The following STXBP2 variants were observed in gnomAD, a reference collection of about 807,000 sequenced individuals.
The protein encoded by STXBP2 is syntaxin-binding protein 2.
A neutral mutation model predicts 72.2 loss-of-function variants in STXBP2; 47 were observed. The ratio of observed to expected loss-of-function variants is 0.65; its 90% CI spans 0.51 to 0.83. STXBP2 has a LOEUF of 0.83. Ranked by LOEUF, STXBP2 falls within the 40% of genes least tolerant of loss-of-function variation. The probability of loss-of-function intolerance (pLI) is 0.00; values close to 1 mark genes in which losing one functional copy is unlikely to be tolerated. For synonymous variants in STXBP2, 367 were observed against 338.7 expected, an observed-to-expected ratio of 1.08 and a Z score of -0.92; for missense variants, 702 against 807.6, an observed-to-expected ratio of 0.87 and a Z score of 1.58.
the STXBP2 span, chr19:7,630,908 G>T: frequency 4.6e-6 from 7 of 1,533,866 alleles, no homozygotes; most frequent in African/African-American, 2.7e-5. Flanking sequence ...ATCCGGGATG[G>T]GTTTTAGATG....
upstream of STXBP2, chr19:7,632,398 A>G: frequency 6.2e-7 from 1 of 1,613,408 alleles, no homozygotes; most frequent in Non-Finnish European, 8.5e-7. The surrounding 1 kb of genome is among the most constrained non-coding windows in gnomAD (Gnocchi z 5.2). Flanking sequence ...CCTACCTTGG[A>G]CCCCACGGGC....
intron 4 of STXBP2, chr19:7,640,447 T>C (rs760677941): frequency 1.5e-6 from 1 of 657,016 alleles, no homozygotes; most frequent in South Asian, 1.6e-5. Context: ...TGTGCATGTG[T>C]GTATGTATGT....
chr19:7,632,162 A>T, upstream of STXBP2: 1 of 675,528 alleles, frequency 1.5e-6, no homozygotes, highest in Non-Finnish European at 2.4e-6. This position sits in a 1 kb window ranked among gnomAD's most constrained non-coding sequence, Gnocchi z 5.2. Flanking sequence ...GAACCTTCAG[A>T]CTTGGGGGCA....
At chr19:7,633,064 T>C, upstream of STXBP2, 2 of 1,347,168 alleles carry the variant, frequency 1.5e-6, no homozygotes, top group South Asian at 1.5e-5. Flanking sequence ...CTTCACGTGG[T>C]ACCGCTTCAA....
chr19:7,633,435 G>T (rs779376158), upstream of STXBP2: 2 of 1,577,046 alleles, frequency 1.3e-6, no homozygotes, highest in African/African-American at 1.3e-5. Context: ...GCCTTCCTCC[G>T]TCTTCTCCTC....
At chr19:7,639,859 C>T in intron 4 of STXBP2, 52 bp downstream of exon 4, 1 of 1,576,928 alleles carries the variant, frequency 6.3e-7, no homozygotes, top group Non-Finnish European at 8.7e-7. Context: ...TGTACATGTG[C>T]ATGTGTGTGT....
chr19:7,644,000 G>A (rs112725799), intron 13 of STXBP2, among the ~76,000 whole-genome samples: 3 of 146,206 alleles, frequency 2.1e-5, no homozygotes, highest in Middle Eastern at 3.9e-3. Flanking sequence ...TGGGACCTGG[G>A]TGAGGGGTGG....
chr19:7,639,806 A>G lies in STXBP2; in HGVS notation c.245A>G (p.Lys82Arg), dbSNP rs746119396. 6.2e-7 allele frequency: 1 copy of G among 1,613,940 alleles called. No individual in the cohort carries two copies. ...EAIYLLSPTE[K>R]SVQALIKDFQ... ...ATTTATTTGCTGAGCCCCACGGAGA[A>G]GGTGCCTACATGAGTGAGCGTGTGT... The change falls in exon 4 of 19, where the codon AAG becomes AGG. Residue 82 changes from lysine (K) to arginine (R), a missense_variant and splice_region_variant. By Grantham distance (26) the Lys-to-Arg change is conservative. Coordinates refer to ENST00000221283, the MANE Select transcript of STXBP2 (RefSeq NM_006949.4).
chr19:7,640,175 T>C, intron 4 of STXBP2: 1 of 465,996 alleles, frequency 2.1e-6, no homozygotes, highest in Non-Finnish European at 4.3e-6. Flanking sequence ...TGTGTGTGCG[T>C]CTGTCTGTGT....
chr19:7,641,192 C>T (rs969966548), intron 6 of STXBP2, 189 bp downstream of exon 6: 11 of 678,188 alleles, frequency 1.6e-5, no homozygotes, highest in African/African-American at 3.6e-5. Flanking sequence ...AGCAAGACCC[C>T]GTCTCTTAAA....
chr19:7,642,442 G>C lies in STXBP2; in HGVS notation c.808G>C (p.Gly270Arg). The change falls in exon 10 of 19, where the codon GGG becomes CGG. Residue 270 changes from glycine to arginine, a missense_variant. Transcript: ENST00000221283. The surrounding 1 kb of genome is among the most constrained non-coding windows in gnomAD (Gnocchi z 6.0). The part of the protein sequence containing the change: ...EQDTYRYETT[G>R]LSEAREKAVL... ...CTTCCTCCCCAGGTATGAGACCACC[G>C]GGCTGAGCGAGGCGCGGGAGAAGGC... The C allele has an allele frequency of 6.2e-7, 1 of 1,613,924 alleles. No individual in the cohort carries two copies. Among genetic ancestry groups the C allele is most frequent in the Non-Finnish European group, 8.5e-7 (1 of 1,180,016 alleles).
At chr19:7,637,487 A>G (rs1306277777) in intron 1 of STXBP2, among the ~76,000 whole-genome samples, 1 of 151,672 alleles carries the variant, frequency 6.6e-6, no homozygotes, top group Non-Finnish European at 1.5e-5. Flanking sequence ...CCGGGGGAGG[A>G]GGGCACAGCT....
At chr19:7,636,066 C>T (rs1463375946), upstream of STXBP2, among the ~76,000 whole-genome samples, 1 of 152,182 alleles carries the variant, frequency 6.6e-6, no homozygotes, top group East Asian at 1.9e-4. Flanking sequence ...TCCCCTCCCA[C>T]CCCTACCTTC....
At chr19:7,631,056 A>G in the STXBP2 span, 1 of 764,766 alleles carries the variant, frequency 1.3e-6, no homozygotes, top group East Asian at 2.7e-5. Context: ...AGAAATACAA[A>G]ACTTAGCCAG....
At position 7,647,445 on chromosome 19, in the gene STXBP2, A is replaced by G. The variant is rs1263938690; in HGVS notation, c.1630A>G (p.Met544Val). ...CGTGTATGTCATGGGCGGTGTGGCC[A>G]TGTCAGAGATGAGGGCCGCCTACGA... is the stretch of plus-strand genomic sequence containing the variant. ...LIVYVMGGVA[M>V]SEMRAAYEVT... The change falls in exon 18 of 19, where the codon ATG becomes GTG. Residue 544 changes from methionine (M) to valine (V), a missense_variant. By Grantham distance (21) the Met-to-Val change is conservative (BLOSUM62 1). Coordinates refer to ENST00000221283, the MANE Select transcript of STXBP2 (RefSeq NM_006949.4). 1.2e-6 allele frequency: 2 copies of G among 1,613,278 alleles called. No individual in the cohort carries two copies. The highest frequency in any genetic ancestry group is 1.7e-6 in the Non-Finnish European group (2 of 1,179,790).
intron 4 of STXBP2, 199 bp downstream of exon 4, chr19:7,640,006 A>C (rs910849736): frequency 1.8e-5 from 12 of 677,458 alleles, no homozygotes; most frequent in Non-Finnish European, 3.1e-5. Context: ...GTGTCTATGT[A>C]TGTGTCTGTG....
In STXBP2 at chr19:7,644,991, G is replaced by A. The variant is rs573703744; in HGVS notation, c.1247-206G>A. 3.8e-5 allele frequency: 55 copies of A among 1,447,670 alleles called. No homozygotes were observed. The South Asian group carries it at 7.3e-4, about 19-fold the overall frequency. 89.7% of individuals were successfully genotyped at this position (1,447,670 alleles called of 1,614,324 possible). On this transcript the variant is annotated intron_variant, in intron 14 of 18. Transcript: ENST00000221283. ...ACATCTGTGATTCCTATAGATGTGG[G>A]GCTCCCTCAGCTCATCTGGAGGAGC... is the stretch of plus-strand genomic sequence containing the variant.
At chr19:7,646,499 C>A in intron 16 of STXBP2, 155 bp downstream of exon 16, 1 of 764,210 alleles carries the variant, frequency 1.3e-6, no homozygotes, top group Non-Finnish European at 2.3e-6. Context: ...GGGGGCACGC[C>A]AAGCCCGCAG....
In STXBP2 at chr19:7,642,641, C is replaced by G; in HGVS notation, c.902+105C>G. On this transcript the variant is annotated intron_variant, in intron 10 of 18. Transcript: ENST00000221283. This position sits in a 1 kb window ranked among gnomAD's most constrained non-coding sequence, Gnocchi z 6.0. Reference sequence around the variant, plus strand: ...CCAAGTCTTTGGCCCTCATGAGCACCCCTCGTGTGACTCCAGACTGGCCTC... The same window carrying G: ...CCAAGTCTTTGGCCCTCATGAGCACGCCTCGTGTGACTCCAGACTGGCCTC... 6.7e-7 allele frequency: 1 copy of G among 1,498,714 alleles called. No homozygotes were observed. The highest frequency in any genetic ancestry group is 9.3e-7 in the Non-Finnish European group (1 of 1,079,918). 92.8% of individuals were successfully genotyped at this position (1,498,714 alleles called of 1,614,324 possible).
Sources: allele counts gnomAD v4.1 joint callset (sites outside exome capture counted in the v4.1 genomes callset), GRCh38; gene constraint gnomAD v4.1.1; non-coding constraint Gnocchi (gnomAD v3.1); transcripts MANE v1.5; gene names NCBI Gene and HGNC (gene_info 2026-07-23, HGNC 2026-07-21).